Variants in SH3BP5 observed in about 807,000 individuals in gnomAD.
The protein encoded by SH3BP5 is SH3 domain-binding protein 5.
Under a neutral mutation model 43.3 loss-of-function variants are expected in SH3BP5, and 22 were observed. The ratio of observed to expected loss-of-function variants is 0.51; its 90% CI spans 0.36 to 0.73. The LOEUF (loss-of-function observed/expected upper bound fraction) is 0.73, where lower values mean the gene tolerates loss of function less well. Among genes scored for constraint, SH3BP5 ranks in the 30% least tolerant of loss-of-function variants. The probability of loss-of-function intolerance (pLI) is 0.00; values close to 1 mark genes in which losing one functional copy is unlikely to be tolerated. For missense variants in SH3BP5, 529 were observed against 586.9 expected (o/e 0.90, Z 1.02); for synonymous variants, 255 against 225.8 (o/e 1.13, Z -1.16).
intron 1 of SH3BP5, chr3:15,332,017 C>G: frequency 1.9e-6 from 1 of 539,026 alleles, no homozygotes; most frequent in Non-Finnish European, 3.2e-6. Context: ...AGGCACGCTG[C>G]ACCGACCCCG....
intron 2 of SH3BP5, among the ~76,000 whole-genome samples, chr3:15,322,551 T>A (rs1218459724): frequency 6.6e-6 from 1 of 152,146 alleles, no homozygotes; most frequent in Non-Finnish European, 1.5e-5. Flanking sequence ...AAGAACAGCC[T>A]GGGAGGCCGG....
Position 15,257,110 on chromosome 3 carries a change from G to T in SH3BP5, c.893C>A (p.Ala298Asp). 1 of 1,613,360 alleles carries T rather than the reference G, an allele frequency of 6.2e-7. No homozygotes were observed. The highest frequency in any genetic ancestry group is 8.5e-7 in the Non-Finnish European group (1 of 1,179,430). ...GCTGTCATCTTCAAAGGCCTCCGAG[G>T]CCACTAAGTTGAGAGAGAACACCAG... is the stretch of plus-strand genomic sequence containing the variant. ...SKPEPDAISV[A>D]SEAFEDDSCS... The change falls in exon 8 of 9, where the codon GCC becomes GAC. Residue 298 changes from alanine to aspartate, a missense_variant. Ala to Asp is a moderately radical substitution (Grantham distance 126). Around this residue, in one of 3 missense-constraint regions of SH3BP5, gnomAD observed 369 missense variants for 384.3 expected, o/e 0.96. Coordinates refer to ENST00000383791, the MANE Select transcript of SH3BP5 (RefSeq NM_004844.5).
At chr3:15,325,812 A>G (rs56414062) in intron 2 of SH3BP5, among the ~76,000 whole-genome samples, 90,552 of 152,058 alleles carry the variant, frequency 0.6, 27,623 homozygotes, top group South Asian at 0.74. Flanking sequence ...TCTCAGCTCC[A>G]GAGTTTGAAA....
At chr3:15,338,195 T>C (rs1423764237) in intron 1 of SH3BP5, among the ~76,000 whole-genome samples, 1 of 151,892 alleles carries the variant, frequency 6.6e-6, no homozygotes, top group East Asian at 1.9e-4. Flanking sequence ...ATACAAAAAC[T>C]AGCTAGGTGT....
intron 3 of SH3BP5, 121 bp from the exon 4 acceptor site, chr3:15,269,998 T>C: frequency 2.4e-6 from 2 of 834,574 alleles, no homozygotes; most frequent in Non-Finnish European, 3.6e-6. Flanking sequence ...GCCTCTTCAC[T>C]CCTGGCACCC....
chr3:15,269,684 C>T (rs757505432), intron 4 of SH3BP5, 29 bp downstream of exon 4: 13 of 1,536,916 alleles, frequency 8.5e-6, no homozygotes, highest in Non-Finnish European at 1.1e-5. Flanking sequence ...CGCGCACACC[C>T]CCACAGCACA....
At chr3:15,331,129 T>C (rs1698597962) in intron 1 of SH3BP5, among the ~76,000 whole-genome samples, 2 of 152,218 alleles carry the variant, frequency 1.3e-5, no homozygotes, top group African/African-American at 4.8e-5. Flanking sequence ...CAAACTGACA[T>C]TTTGTAAAAA....
intron 2 of SH3BP5, among the ~76,000 whole-genome samples, chr3:15,319,572 T>C (rs1012594377): frequency 6.6e-6 from 1 of 152,090 alleles, no homozygotes; most frequent in Non-Finnish European, 1.5e-5. Flanking sequence ...CAGATTATAA[T>C]AGAAGAGCTG....
At chr3:15,333,235 G>T (rs990841009), upstream of SH3BP5, 34 of 985,334 alleles carry the variant, frequency 3.5e-5, no homozygotes, top group Non-Finnish European at 4.0e-5. Context: ...GACAGAGTTG[G>T]CCTGGCAGAC....
intron 2 of SH3BP5, among the ~76,000 whole-genome samples, chr3:15,313,966 G>T (rs1698123634): frequency 6.6e-6 from 1 of 151,952 alleles, no homozygotes; most frequent in Non-Finnish European, 1.5e-5. Context: ...ACCTGGTGTG[G>T]CACTGCATGC....
chr3:15,323,032 G>A (rs1384403975), intron 2 of SH3BP5, among the ~76,000 whole-genome samples: 2 of 151,996 alleles, frequency 1.3e-5, no homozygotes, highest in African/African-American at 4.8e-5. Flanking sequence ...CCAGCTACTC[G>A]GGAGGCTAAG....
At chr3:15,259,372 G>A (rs1230661086) in intron 6 of SH3BP5, 1 of 517,040 alleles carries the variant, frequency 1.9e-6, no homozygotes. Flanking sequence ...CAGTACAGTG[G>A]TTCTCAAAGT....
At chr3:15,304,396 G>T in intron 2 of SH3BP5, 165 bp from the exon 3 acceptor site, 1 of 1,070,312 alleles carries the variant, frequency 9.3e-7, no homozygotes, top group African/African-American at 1.6e-5. Context: ...GCCCAAAACA[G>T]CTTCCTGCCA....
intron 2 of SH3BP5, among the ~76,000 whole-genome samples, chr3:15,305,100 G>GA (rs1697864591): frequency 1.3e-5 from 2 of 150,658 alleles, no homozygotes; most frequent in Admixed American, 1.3e-4. Flanking sequence ...CTGGGTGACA[G>GA]AGTGAGACAC....
intron 3 of SH3BP5, among the ~76,000 whole-genome samples, chr3:15,274,452 T>C (rs1321807623): frequency 1.3e-5 from 2 of 152,050 alleles, no homozygotes; most frequent in African/African-American, 2.4e-5. Flanking sequence ...TGCCTGGACT[T>C]GGATCCTGGG....
At chr3:15,292,899 C>T (rs1287401551) in intron 3 of SH3BP5, among the ~76,000 whole-genome samples, 1 of 152,136 alleles carries the variant, frequency 6.6e-6, no homozygotes, top group Admixed American at 6.6e-5. Flanking sequence ...CTCCCTGCTC[C>T]AGCCCCAGAC....
upstream of SH3BP5, chr3:15,333,208 C>T (rs1258794430): frequency 1.0e-6 from 1 of 985,478 alleles, no homozygotes. Context: ...TTTCTGCCCA[C>T]CATCAACAAG....
Position 15,281,016 on chromosome 3 carries a change from C to T in SH3BP5, c.331-11139G>A, listed in dbSNP as rs143514148. 5.6e-3 allele frequency among the ~76,000 whole-genome samples: 850 copies of T among 152,298 alleles called. 1 individual carries two copies. Among genetic ancestry groups the T allele is most frequent in the South Asian group, 8.1e-3 (39 of 4,828 alleles). On this transcript the variant is annotated intron_variant, in intron 3 of 8. Transcript: ENST00000383791. ...GGCAGAGAACTGGAATATTGCACGC[C>T]GGGAAAGTCCATGTGTTCTGTAATT...
At chr3:15,314,271 G>A (rs771823856) in intron 2 of SH3BP5, among the ~76,000 whole-genome samples, 1 of 151,962 alleles carries the variant, frequency 6.6e-6, no homozygotes, top group Non-Finnish European at 1.5e-5. Flanking sequence ...CGTGTGGCTA[G>A]TGGCTGCCCT....
Sources: gnomAD v4.1 joint callset for allele counts (sites outside exome capture counted in the v4.1 genomes callset) on GRCh38, gnomAD v4.1.1 for gene constraint, gnomAD v4.1.1 regional missense constraint, MANE v1.5 for transcripts, NCBI Gene and HGNC (gene_info 2026-07-23, HGNC 2026-07-21) for gene names.